Variants in SSBP2 observed in about 807,000 individuals in gnomAD.
SSBP2 encodes single-stranded DNA-binding protein 2.
A neutral mutation model predicts 61.8 loss-of-function variants in SSBP2; 17 were observed. The observed-to-expected ratio is 0.28, with a 90% CI of 0.19 to 0.41. The LOEUF (loss-of-function observed/expected upper bound fraction) is 0.41, where lower values mean the gene tolerates loss of function less well. SSBP2 is among the 10% of genes least tolerant of loss of function. SSBP2 has a pLI of 1.00. For missense variants in SSBP2, 310 were observed against 458.7 expected (o/e 0.68, Z 2.96); for synonymous variants, 139 against 141.3 (o/e 0.98, Z 0.12).
intron 10 of SSBP2, among the ~76,000 whole-genome samples, chr5:81,449,092 T>C (rs538080269): frequency 6.6e-6 from 1 of 152,334 alleles, no homozygotes; most frequent in South Asian, 2.1e-4. Flanking sequence ...GTTGTGCATA[T>C]TGCATGATAC....
chr5:81,703,104 G>A (rs1212083198), intron 1 of SSBP2, among the ~76,000 whole-genome samples: 1 of 152,080 alleles, frequency 6.6e-6, no homozygotes, highest in Non-Finnish European at 1.5e-5. Flanking sequence ...TGCTAAAGTG[G>A]TTCAATATTT....
At chr5:81,426,838 G>T (rs567284059) in intron 16 of SSBP2, among the ~76,000 whole-genome samples, 1 of 152,298 alleles carries the variant, frequency 6.6e-6, no homozygotes, top group East Asian at 1.9e-4. Context: ...GCCCATAAGT[G>T]AAAGTCATGT....
chr5:81,584,922 A>G (rs1460898946), intron 4 of SSBP2, among the ~76,000 whole-genome samples: 1 of 152,126 alleles, frequency 6.6e-6, no homozygotes, highest in Non-Finnish European at 1.5e-5. Context: ...ATTAACATAT[A>G]TTTTCTCACT....
At chr5:81,515,235 TC>T (rs781483974) in intron 4 of SSBP2, among the ~76,000 whole-genome samples, 18 of 151,990 alleles carry the variant, frequency 1.2e-4, no homozygotes, top group Non-Finnish European at 2.1e-4. Flanking sequence ...TACATCCAGA[TC>T]TAGGAAGAAA....
chr5:81,598,422 G>A (rs1055785951), intron 4 of SSBP2, among the ~76,000 whole-genome samples: 9 of 150,376 alleles, frequency 6.0e-5, no homozygotes, highest in African/African-American at 2.2e-4. Flanking sequence ...AAATATCATG[G>A]AGAAGAGACA....
At chr5:81,656,745 T>C (rs1750252116) in intron 1 of SSBP2, among the ~76,000 whole-genome samples, 1 of 151,624 alleles carries the variant, frequency 6.6e-6, no homozygotes, top group African/African-American at 2.4e-5. Flanking sequence ...AAAAAACTGT[T>C]CAACCTCCTA....
intron 4 of SSBP2, among the ~76,000 whole-genome samples, chr5:81,531,092 G>A (rs1580934606): frequency 6.6e-6 from 1 of 151,730 alleles, no homozygotes; most frequent in South Asian, 2.1e-4. Flanking sequence ...ACAAAAATTA[G>A]CTAGGCATGG....
intron 4 of SSBP2, among the ~76,000 whole-genome samples, chr5:81,580,083 C>T (rs1277643424): frequency 1.3e-5 from 2 of 151,926 alleles, no homozygotes; most frequent in Non-Finnish European, 1.5e-5. Context: ...CAAAAATTAC[C>T]ATCTCCTGGT....
chr5:81,667,521 C>A (rs1242014753), intron 1 of SSBP2, among the ~76,000 whole-genome samples: 1 of 152,092 alleles, frequency 6.6e-6, no homozygotes, highest in Non-Finnish European at 1.5e-5. Context: ...TATATGGACT[C>A]ATTCTAACAA....
At chr5:81,563,439 G>A (rs922827807) in intron 4 of SSBP2, among the ~76,000 whole-genome samples, 2 of 152,112 alleles carry the variant, frequency 1.3e-5, no homozygotes, top group East Asian at 3.8e-4. Context: ...CTGTGACTTG[G>A]TTTAGACAAG....
chr5:81,730,561 T>C (rs951890698), intron 1 of SSBP2, among the ~76,000 whole-genome samples: 1 of 152,182 alleles, frequency 6.6e-6, no homozygotes, highest in African/African-American at 2.4e-5. Context: ...TCTAAAAATC[T>C]AAAAATCTAC....
At chr5:81,725,384 G>A (rs969159728) in intron 1 of SSBP2, among the ~76,000 whole-genome samples, 2 of 152,238 alleles carry the variant, frequency 1.3e-5, no homozygotes, top group African/African-American at 4.8e-5. Context: ...TGGAAATGGA[G>A]GAAAAGAGAA....
chr5:81,608,490 T>A (rs1561150), intron 4 of SSBP2, among the ~76,000 whole-genome samples: 4 of 151,902 alleles, frequency 2.6e-5, no homozygotes, highest in Admixed American at 2.6e-4. Flanking sequence ...CTATGGCAGA[T>A]GAAGCAAAAG....
At chr5:81,613,758 G>C (rs1056896769) in intron 4 of SSBP2, among the ~76,000 whole-genome samples, 1 of 152,130 alleles carries the variant, frequency 6.6e-6, no homozygotes, top group Non-Finnish European at 1.5e-5. Flanking sequence ...GCATCTCTTA[G>C]TATAAGGAAA....
chr5:81,488,065 A>ATATATTATATATATGTGGTGTGTGT (rs1459885301), intron 6 of SSBP2, among the ~76,000 whole-genome samples: 1 of 97,314 alleles, frequency 1.0e-5, no homozygotes. Context: ...ATATAAATAA[A>ATATATTATATATATGTGGTGTGTGT]ATATCATATA....
chr5:81,673,710 ATACT>A (rs1751756239), intron 1 of SSBP2, among the ~76,000 whole-genome samples: 1 of 152,210 alleles, frequency 6.6e-6, no homozygotes, highest in Admixed American at 6.5e-5. Flanking sequence ...AAAGGCCCAA[ATACT>A]TAATAGGTTG....
chr5:81,427,893 T>C lies in SSBP2; in HGVS notation c.1056+692A>G, dbSNP rs189250836. Among the ~76,000 whole-genome samples, 20 of 152,290 alleles carry C rather than the reference T, an allele frequency of 1.3e-4. No individual in the cohort carries two copies. The East Asian group carries it at 3.1e-3, about 23-fold the overall frequency. ...GGAAACTGTATTTTAAAAAATTCCA[T>C]TGGGGTTTCTAATGTGAAATATTAA... On this transcript the variant is annotated intron_variant, in intron 16 of 16. Coordinates refer to ENST00000320672, the MANE Select transcript of SSBP2 (RefSeq NM_012446.5).
At chr5:81,488,584 G>C (rs1239242749) in intron 6 of SSBP2, among the ~76,000 whole-genome samples, 1 of 151,820 alleles carries the variant, frequency 6.6e-6, no homozygotes. Flanking sequence ...TTAAGTTTTA[G>C]GGTACATGTG....
At chr5:81,553,737 T>A (rs1772384433) in intron 4 of SSBP2, among the ~76,000 whole-genome samples, 1 of 152,146 alleles carries the variant, frequency 6.6e-6, no homozygotes, top group Non-Finnish European at 1.5e-5. Context: ...AGGATGTTGT[T>A]GTTTCAGCAG....
Sources: gnomAD v4.1 joint callset for allele counts (sites outside exome capture counted in the v4.1 genomes callset) on GRCh38, gnomAD v4.1.1 for gene constraint, MANE v1.5 for transcripts, NCBI Gene and HGNC (gene_info 2026-07-23, HGNC 2026-07-21) for gene names.